SATL1: variants seen among roughly 807,000 people sequenced by gnomAD.
SATL1 encodes spermidine/spermine N(1)-acetyltransferase-like protein 1.
A neutral mutation model predicts 51.8 loss-of-function variants in SATL1; 47 were observed. The observed-to-expected ratio is 0.91, with a 90% CI of 0.72 to 1.16. The LOEUF (loss-of-function observed/expected upper bound fraction) is 1.16, where lower values mean the gene tolerates loss of function less well. SATL1 is among the 50% of genes most tolerant of loss of function. The pLI, the probability that SATL1 is intolerant of heterozygous loss-of-function variation, is 0.00. For missense variants in SATL1, 520 were observed against 526.4 expected (o/e 0.99, Z 0.12); for synonymous variants, 176 against 182.4 (o/e 0.97, Z 0.28).
chrX:85,231,870 A>G (rs947703429), intron 1 of SATL1, among the ~76,000 whole-genome samples: 1 of 110,598 alleles, frequency 9.0e-6, no homozygotes, highest in South Asian at 3.8e-4. Flanking sequence ...TAAGGACTGC[A>G]ATTCCTATGC....
In SATL1 at chrX:85,108,952, G is replaced by T. The variant is rs368513929; in HGVS notation, c.17C>A (p.Thr6Lys). 3 of 1,201,469 alleles carry T rather than the reference G, an allele frequency of 2.5e-6. No individual in the cohort carries two copies. Among genetic ancestry groups the T allele is most frequent in the African/African-American group, 3.5e-5 (2 of 56,836 alleles). MNQSGTNQSSLSDSNQ... is the reference protein window; with the variant it reads MNQSGKNQSSLSDSNQ... The stretch of plus-strand genomic sequence containing the variant: ...CGAGTCTGATAAACTTGATTGGTTC[G>T]TGCCTGATTGGTTCATGCCCAGTTG... Residue 6 changes from threonine (T) to lysine (K), a missense_variant, in exon 3 of 8, where the codon ACG becomes AAG. Thr to Lys is a moderately conservative substitution (Grantham distance 78). Coordinates refer to ENST00000644105, the MANE Select transcript of SATL1 (RefSeq NM_001367857.2).
At chrX:85,181,099 G>A (rs1401457794) in intron 2 of SATL1, among the ~76,000 whole-genome samples, 2 of 102,302 alleles carry the variant, frequency 2.0e-5, no homozygotes, top group Non-Finnish European at 4.0e-5. Context: ...TGAATGTAAT[G>A]TGTGTGTGTG....
At chrX:85,135,083 C>A (rs1271443160) in intron 2 of SATL1, among the ~76,000 whole-genome samples, 1 of 110,946 alleles carries the variant, frequency 9.0e-6, no homozygotes, top group Non-Finnish European at 1.9e-5. Context: ...AAGAGAAAAC[C>A]AAATGCTGCA....
chrX:85,238,612 A>C (rs1928525701), intron 1 of SATL1, among the ~76,000 whole-genome samples: 1 of 111,563 alleles, frequency 9.0e-6, no homozygotes, highest in African/African-American at 3.3e-5. Context: ...GGGTACAAAA[A>C]ATACAGTTCA....
intron 1 of SATL1, among the ~76,000 whole-genome samples, chrX:85,235,963 G>A (rs1928473334): frequency 9.0e-6 from 1 of 110,814 alleles, no homozygotes; most frequent in African/African-American, 3.3e-5. Context: ...TAAAAAGAGA[G>A]AAGACACAAG....
chrX:85,215,140 T>A (rs974400928), intron 2 of SATL1, among the ~76,000 whole-genome samples: 1 of 111,706 alleles, frequency 9.0e-6, no homozygotes, highest in Non-Finnish European at 1.9e-5. Flanking sequence ...GCTTACAGCT[T>A]GCGTCCTCTG....
intron 1 of SATL1, among the ~76,000 whole-genome samples, chrX:85,224,989 A>G (rs1297278974): frequency 9.0e-6 from 1 of 111,106 alleles, no homozygotes; most frequent in Non-Finnish European, 1.9e-5. Context: ...TGGATCCCCA[A>G]AGATTATGCT....
chrX:85,194,661 G>A (rs755881537), intron 2 of SATL1, among the ~76,000 whole-genome samples: 2 of 110,224 alleles, frequency 1.8e-5, no homozygotes, highest in South Asian at 7.9e-4. Context: ...AAGAAGATGT[G>A]GCACATATAC....
intron 2 of SATL1, among the ~76,000 whole-genome samples, chrX:85,217,179 T>C (rs1928063490): frequency 9.1e-6 from 1 of 109,408 alleles, no homozygotes; most frequent in Non-Finnish European, 1.9e-5. Context: ...TTAAAAATTG[T>C]GATAAGTACT....
At chrX:85,144,109 T>C (rs1344420607) in intron 2 of SATL1, among the ~76,000 whole-genome samples, 2 of 111,640 alleles carry the variant, frequency 1.8e-5, no homozygotes, top group Middle Eastern at 4.2e-3. Flanking sequence ...AACAGCACCA[T>C]TTGACATAGT....
intron 2 of SATL1, among the ~76,000 whole-genome samples, chrX:85,176,208 G>A (rs771243419): frequency 5.2e-4 from 58 of 111,645 alleles, no homozygotes; most frequent in Non-Finnish European, 7.4e-4. Flanking sequence ...ATCACACTGA[G>A]GTACCATTTT....
intron 1 of SATL1, among the ~76,000 whole-genome samples, chrX:85,232,589 G>A (rs996273785): frequency 1.8e-5 from 2 of 111,645 alleles, no homozygotes; most frequent in Admixed American, 1.9e-4. Context: ...CCCAGGCCTG[G>A]CAGCATTCAC....
At position 85,146,149 on chromosome X, in the gene SATL1, C is replaced by T. The variant is rs189558326; in HGVS notation, c.-312-36869G>A. The stretch of plus-strand genomic sequence containing the variant: ...TCCTGACCTTGTGATCTGCCTGCCT[C>T]GGCCTCCCAAAGTGCTGGGATTACA... On this transcript the variant is annotated intron_variant, in intron 2 of 7. Coordinates refer to ENST00000644105, the MANE Select transcript of SATL1 (RefSeq NM_001367857.2). 3.2e-4 allele frequency among the ~76,000 whole-genome samples: 36 copies of T among 111,273 alleles called. No individual in the cohort carries two copies. The South Asian group carries it at 5.3e-3, about 16-fold the overall frequency.
chrX:85,195,018 G>GTATA (rs35656305), intron 2 of SATL1, among the ~76,000 whole-genome samples: 63 of 104,993 alleles, frequency 6.0e-4, no homozygotes, highest in South Asian at 5.9e-3. Flanking sequence ...GACTTAAAGT[G>GTATA]TATATATATA....
chrX:85,110,122 T>C (rs1258774750), intron 2 of SATL1, among the ~76,000 whole-genome samples: 2 of 112,080 alleles, frequency 1.8e-5, no homozygotes, highest in East Asian at 2.8e-4. Flanking sequence ...TCAACACTAT[T>C]ATCCCCAATT....
At chrX:85,102,290 G>C (rs987527083) in intron 4 of SATL1, among the ~76,000 whole-genome samples, 2 of 103,426 alleles carry the variant, frequency 1.9e-5, no homozygotes, top group African/African-American at 3.7e-5. Context: ...GTGTCCATGT[G>C]TTCTCATTGT....
chrX:85,187,582 G>C (rs1352906717), intron 2 of SATL1, among the ~76,000 whole-genome samples: 3 of 111,674 alleles, frequency 2.7e-5, no homozygotes, highest in African/African-American at 9.8e-5. Flanking sequence ...TGATCGTATG[G>C]TTTTTGTCCT....
intron 4 of SATL1, among the ~76,000 whole-genome samples, chrX:85,103,621 T>C (rs750551397): frequency 8.9e-6 from 1 of 111,997 alleles, no homozygotes; most frequent in East Asian, 2.8e-4. Flanking sequence ...ACTCCTCATT[T>C]TACATTCTGA....
chrX:85,159,438 C>T (rs1458346134), intron 2 of SATL1, among the ~76,000 whole-genome samples: 1 of 110,461 alleles, frequency 9.1e-6, no homozygotes, highest in African/African-American at 3.3e-5. Flanking sequence ...ATTGAGGTTG[C>T]ATGCTCCTTA....
Sources: allele counts gnomAD v4.1 joint callset (sites outside exome capture counted in the v4.1 genomes callset), GRCh38; gene constraint gnomAD v4.1.1; transcripts MANE v1.5; gene names NCBI Gene and HGNC (gene_info 2026-07-23, HGNC 2026-07-21).